The following SLC25A48 variants were observed in gnomAD, a reference collection of about 807,000 sequenced individuals.
SLC25A48 encodes the protein CTC-321K16.1.
SLC25A48 carries 29 observed loss-of-function variants against 32.2 expected under a neutral mutation model. The ratio of observed to expected loss-of-function variants is 0.90; its 90% CI spans 0.67 to 1.23. The LOEUF is 1.23. Among genes scored for constraint, SLC25A48 ranks in the 50% most tolerant of loss-of-function variants. The pLI is 0.00. For missense variants in SLC25A48, 399 were observed against 422.7 expected (o/e 0.94, Z 0.49); for synonymous variants, 164 against 172.3 (o/e 0.95, Z 0.38).
chr5:135,785,206 G>C (rs1756805186), intron 3 of SLC25A48, among the ~76,000 whole-genome samples: 1 of 152,130 alleles, frequency 6.6e-6, no homozygotes, highest in African/African-American at 2.4e-5. Context: ...TAAATACACT[G>C]TGTGTTCACC....
At chr5:135,801,768 G>A (rs1001388947) in intron 3 of SLC25A48, among the ~76,000 whole-genome samples, 10 of 151,642 alleles carry the variant, frequency 6.6e-5, no homozygotes, top group African/African-American at 1.9e-4. Flanking sequence ...GATATTGTAC[G>A]TAATATGCAG....
intron 3 of SLC25A48, among the ~76,000 whole-genome samples, chr5:135,716,685 C>T (rs1719113417): frequency 6.6e-6 from 1 of 152,180 alleles, no homozygotes; most frequent in African/African-American, 2.4e-5. Context: ...AATAAAAAGG[C>T]AGTCCCTGAT....
chr5:135,740,870 C>T (rs943381495), intron 3 of SLC25A48, among the ~76,000 whole-genome samples: 2 of 152,184 alleles, frequency 1.3e-5, no homozygotes, highest in South Asian at 4.1e-4. Flanking sequence ...TCTCAAAGTG[C>T]TGGGATTACA....
At chr5:135,732,389 G>A (rs1755247115) in intron 3 of SLC25A48, among the ~76,000 whole-genome samples, 1 of 152,130 alleles carries the variant, frequency 6.6e-6, no homozygotes, top group African/African-American at 2.4e-5. Context: ...AGGCCCTGTG[G>A]GAAATGCCTC....
intron 3 of SLC25A48, among the ~76,000 whole-genome samples, chr5:135,665,550 G>T (rs1226455367): frequency 6.6e-6 from 1 of 151,986 alleles, no homozygotes; most frequent in Non-Finnish European, 1.5e-5. Flanking sequence ...TTCTAGAATT[G>T]TTATGGTTTC....
At chr5:135,693,610 G>A (rs1754196462) in intron 3 of SLC25A48, among the ~76,000 whole-genome samples, 1 of 152,170 alleles carries the variant, frequency 6.6e-6, no homozygotes, top group African/African-American at 2.4e-5. Flanking sequence ...CTTTCCTGTT[G>A]AGGCAAGACA....
chr5:135,667,571 C>G (rs187951195), intron 3 of SLC25A48, among the ~76,000 whole-genome samples: 2 of 152,194 alleles, frequency 1.3e-5, no homozygotes, highest in Non-Finnish European at 2.9e-5. Flanking sequence ...ACCCCCTACT[C>G]CCTTCCCTCT....
chr5:135,739,276 C>G (rs982400625), intron 3 of SLC25A48, among the ~76,000 whole-genome samples: 3 of 152,050 alleles, frequency 2.0e-5, no homozygotes, highest in Non-Finnish European at 4.4e-5. Context: ...CACCATCATG[C>G]CTGGCTAATT....
intron 3 of SLC25A48, among the ~76,000 whole-genome samples, chr5:135,672,007 G>A (rs191713046): frequency 2.0e-5 from 3 of 152,174 alleles, no homozygotes; most frequent in African/African-American, 7.2e-5. Context: ...GGAATTGGAG[G>A]TCTAAGCAAA....
At chr5:135,757,813 A>C (rs528349375) in intron 3 of SLC25A48, among the ~76,000 whole-genome samples, 8 of 150,378 alleles carry the variant, frequency 5.3e-5, no homozygotes, top group Non-Finnish European at 1.2e-4. Context: ...GTAAGATATT[A>C]ATAAAATATC....
At chr5:135,748,871 A>G (rs1580838605) in intron 3 of SLC25A48, among the ~76,000 whole-genome samples, 1 of 151,590 alleles carries the variant, frequency 6.6e-6, no homozygotes, top group Non-Finnish European at 1.5e-5. Flanking sequence ...GGCACACATC[A>G]CCATGCCTGG....
chr5:135,710,372 C>T (rs1217502912), intron 3 of SLC25A48, among the ~76,000 whole-genome samples: 1 of 152,158 alleles, frequency 6.6e-6, no homozygotes, highest in Non-Finnish European at 1.5e-5. Flanking sequence ...TTACCATTTG[C>T]CATGGATTGC....
intron 6 of SLC25A48, among the ~76,000 whole-genome samples, chr5:135,877,606 T>C (rs1762150090): frequency 6.6e-6 from 1 of 152,178 alleles, no homozygotes; most frequent in African/African-American, 2.4e-5. Context: ...GAAGGTCTAC[T>C]CTGGGCGAAG....
At chr5:135,755,251 A>T (rs544911137) in intron 3 of SLC25A48, among the ~76,000 whole-genome samples, 1 of 152,238 alleles carries the variant, frequency 6.6e-6, no homozygotes, top group African/African-American at 2.4e-5. Flanking sequence ...TGATACTTAT[A>T]ATAGCCAGTG....
chr5:135,882,759 G>T (rs868635822), intron 7 of SLC25A48, among the ~76,000 whole-genome samples: 23 of 152,248 alleles, frequency 1.5e-4, no homozygotes, highest in African/African-American at 5.3e-4. Flanking sequence ...TCCAAGACCA[G>T]CCCCCAGAGC....
In SLC25A48 at chr5:135,713,902, G is replaced by A. The variant is rs370944330; in HGVS notation, c.-521+78946G>A. On this transcript the variant is annotated intron_variant, in intron 3 of 10. Transcript: ENST00000646290. ...TCGAGGAGCCTCCGTTGGGTTGGTCGTGTGGGAAACCATGCAGGGAGCTGT... is the reference window on the plus strand; with the variant it reads ...TCGAGGAGCCTCCGTTGGGTTGGTCATGTGGGAAACCATGCAGGGAGCTGT... Among the ~76,000 whole-genome samples, 9 of 152,306 alleles carry A rather than the reference G, an allele frequency of 5.9e-5. No homozygotes were observed. The East Asian group carries it at 7.7e-4, about 13-fold the overall frequency.
intron 3 of SLC25A48, among the ~76,000 whole-genome samples, chr5:135,803,369 C>G (rs920390977): frequency 6.6e-6 from 1 of 151,260 alleles, no homozygotes; most frequent in Non-Finnish European, 1.5e-5. Flanking sequence ...TAGGTGTACA[C>G]TCTGTGATAC....
At chr5:135,734,659 C>CA (rs879815737) in intron 3 of SLC25A48, among the ~76,000 whole-genome samples, 4 of 151,218 alleles carry the variant, frequency 2.6e-5, no homozygotes, top group South Asian at 2.1e-4. Flanking sequence ...ACTAAAAATA[C>CA]AAAAAAAATT....
intron 3 of SLC25A48, among the ~76,000 whole-genome samples, chr5:135,770,553 ATGT>A (rs1453040661): frequency 6.6e-6 from 1 of 151,428 alleles, no homozygotes; most frequent in Admixed American, 6.6e-5. Flanking sequence ...GGAGAGAATG[ATGT>A]TACCCCAATA....
Sources: gnomAD v4.1 joint callset for allele counts (sites outside exome capture counted in the v4.1 genomes callset) on GRCh38, gnomAD v4.1.1 for gene constraint, MANE v1.5 for transcripts, NCBI Gene and HGNC (gene_info 2026-07-23, HGNC 2026-07-21) for gene names.